The following PDE8B variants were observed in gnomAD, a reference collection of about 807,000 sequenced individuals.
The protein encoded by PDE8B is phosphodiesterase 8B, also known as high affinity cAMP-specific and IBMX-insensitive 3',5'-cyclic phosphodiesterase 8B.
PDE8B carries 26 observed loss-of-function variants against 101.3 expected under a neutral mutation model. The ratio of observed to expected loss-of-function variants is 0.26; its 90% CI spans 0.19 to 0.36. The LOEUF (loss-of-function observed/expected upper bound fraction) is 0.36. Ranked by LOEUF, PDE8B falls within the 10% of genes least tolerant of loss-of-function variation. PDE8B has a pLI of 1.00. For missense variants in PDE8B, 810 were observed against 1,163.1 expected (o/e 0.70, Z 4.42); for synonymous variants, 424 against 429.3 (o/e 0.99, Z 0.15).
the PDE8B span, chr5:77,147,035 T>C: frequency 3.3e-5 from 15 of 457,006 alleles, 1 homozygote; most frequent in Admixed American, 3.5e-4. Flanking sequence ...AGGAAAAATA[T>C]GAAAAGGATA....
chr5:77,391,104 C>G (rs2150918438), intron 10 of PDE8B, among the ~76,000 whole-genome samples: 1 of 152,290 alleles, frequency 6.6e-6, no homozygotes, highest in East Asian at 1.9e-4. Flanking sequence ...ATGAGCTCAA[C>G]TAAGTATTAA....
chr5:77,367,530 CTTTTTTT>C (rs3031815), intron 10 of PDE8B, among the ~76,000 whole-genome samples: 2 of 109,494 alleles, frequency 1.8e-5, no homozygotes, highest in African/African-American at 6.2e-5. Context: ...CTTTTTCTCT[CTTTTTTT>C]TTTTTTTTTT....
intron 10 of PDE8B, among the ~76,000 whole-genome samples, chr5:77,399,071 C>A (rs1334142103): frequency 2.0e-5 from 3 of 152,208 alleles, no homozygotes; most frequent in Admixed American, 6.5e-5. Flanking sequence ...GATCCCTGTT[C>A]CATTACCCAC....
upstream of PDE8B, among the ~76,000 whole-genome samples, chr5:77,209,837 G>A (rs1048574224): frequency 6.6e-6 from 1 of 152,248 alleles, no homozygotes; most frequent in Non-Finnish European, 1.5e-5. Context: ...GCTTCTTTCT[G>A]TTCTTGCCTT....
intron 2 of PDE8B, among the ~76,000 whole-genome samples, chr5:77,318,070 A>AAAAAAAAAAAAAAC (rs1561518735): frequency 6.6e-6 from 1 of 151,048 alleles, no homozygotes; most frequent in African/African-American, 2.4e-5. Context: ...AAAAAAAAAA[A>AAAAAAAAAAAAAAC]AAAAAAACAC....
At chr5:77,222,683 C>A (rs1241411333) in intron 1 of PDE8B, among the ~76,000 whole-genome samples, 1 of 152,158 alleles carries the variant, frequency 6.6e-6, no homozygotes, top group Admixed American at 6.5e-5. Flanking sequence ...TGACTGAGTG[C>A]CGGCTGGCTG....
chr5:77,130,392 A>G, the PDE8B span, among the ~76,000 whole-genome samples: 2 of 152,142 alleles, frequency 1.3e-5, no homozygotes, highest in Non-Finnish European at 2.9e-5. Flanking sequence ...TGGGAGTCAG[A>G]TAAATGCCAG....
At chr5:77,269,929 TG>T (rs1238560435) in intron 1 of PDE8B, among the ~76,000 whole-genome samples, 2 of 152,208 alleles carry the variant, frequency 1.3e-5, no homozygotes, top group African/African-American at 2.4e-5. Context: ...TTGTTCTTTT[TG>T]TTCAGGATAA....
At chr5:77,133,711 T>A in the PDE8B span, among the ~76,000 whole-genome samples, 65 of 152,284 alleles carry the variant, frequency 4.3e-4, no homozygotes, top group African/African-American at 1.4e-3. Flanking sequence ...TGCTGAGAAG[T>A]CTTCATGCAC....
Position 77,320,133 on chromosome 5 carries a change from A to AT in PDE8B, c.400-5400dup, listed in dbSNP as rs199843020. ...TTTATTAAGATAGCTTTACATGGTC[A>AT]TTTTTTCATTTTTATTTTTATAGAA... On this transcript the variant is annotated intron_variant, in intron 2 of 21. Transcript: ENST00000264917. 7.2e-3 allele frequency among the ~76,000 whole-genome samples: 1,089 copies of AT among 152,220 alleles called. 18 individuals carry two copies. Among genetic ancestry groups the AT allele is most frequent in the African/African-American group, 0.025 (1,024 of 41,538 alleles).
intron 1 of PDE8B, among the ~76,000 whole-genome samples, chr5:77,303,616 A>G (rs922204534): frequency 1.3e-5 from 2 of 152,084 alleles, no homozygotes; most frequent in African/African-American, 2.4e-5. Flanking sequence ...CATTCACAAT[A>G]TAGTTGAAGC....
chr5:77,326,444 G>C (rs1776079346), intron 3 of PDE8B, among the ~76,000 whole-genome samples: 1 of 152,208 alleles, frequency 6.6e-6, no homozygotes, highest in Admixed American at 6.5e-5. Flanking sequence ...TTGAATGTTA[G>C]TAAGTGAAAT....
At chr5:77,160,040 C>T in the PDE8B span, among the ~76,000 whole-genome samples, 1 of 152,116 alleles carries the variant, frequency 6.6e-6, no homozygotes, top group African/African-American at 2.4e-5. Context: ...ATCTTTGCAC[C>T]AGAGGTGATT....
At chr5:77,286,103 G>A (rs1202174195) in intron 1 of PDE8B, among the ~76,000 whole-genome samples, 1 of 152,014 alleles carries the variant, frequency 6.6e-6, no homozygotes, top group Non-Finnish European at 1.5e-5. Context: ...ATGTGATTTG[G>A]GATTGTATCA....
chr5:77,191,972 C>T, the PDE8B span, among the ~76,000 whole-genome samples: 1 of 152,130 alleles, frequency 6.6e-6, no homozygotes, highest in Non-Finnish European at 1.5e-5. Flanking sequence ...AACCTAGATC[C>T]GTTGCATACG....
chr5:77,357,950 G>A (rs1330883433), intron 10 of PDE8B, among the ~76,000 whole-genome samples: 1 of 152,148 alleles, frequency 6.6e-6, no homozygotes, highest in Non-Finnish European at 1.5e-5. Flanking sequence ...GCCCATTCTG[G>A]TTCCCACCGC....
the PDE8B span, among the ~76,000 whole-genome samples, chr5:77,117,697 A>G: frequency 2.8e-3 from 433 of 152,306 alleles, no homozygotes; most frequent in African/African-American, 9.9e-3. Context: ...CAGCAGCCAA[A>G]AGGGGTGGAC....
intron 18 of PDE8B, 80 bp from the exon 19 acceptor site, chr5:77,419,687 G>T: frequency 6.6e-7 from 1 of 1,517,714 alleles, no homozygotes; most frequent in East Asian, 2.3e-5. Flanking sequence ...AGGTTGTGAG[G>T]AGTGTAGTGA....
At chr5:77,347,173 C>G (rs1325062869) in intron 7 of PDE8B, among the ~76,000 whole-genome samples, 1 of 152,174 alleles carries the variant, frequency 6.6e-6, no homozygotes, top group Non-Finnish European at 1.5e-5. Context: ...TTGCCATATA[C>G]TAGGCTCAGT....
Sources: allele counts gnomAD v4.1 joint callset (sites outside exome capture counted in the v4.1 genomes callset), GRCh38; gene constraint gnomAD v4.1.1; transcripts MANE v1.5; gene names NCBI Gene and HGNC (gene_info 2026-07-23, HGNC 2026-07-21).